ADARB2: variants seen among roughly 807,000 people sequenced by gnomAD.
ADARB2 encodes the protein adenosine deaminase RNA specific B2 (inactive).
A neutral mutation model predicts 62.2 loss-of-function variants in ADARB2; 25 were observed. The observed-to-expected ratio is 0.40, with a 90% CI of 0.29 to 0.56. The LOEUF (loss-of-function observed/expected upper bound fraction) is 0.56. Among genes scored for constraint, ADARB2 ranks in the 20% least tolerant of loss-of-function variants. The pLI is 0.43. For missense variants in ADARB2, 1,071 were observed against 1,077.4 expected (o/e 0.99, Z 0.08); for synonymous variants, 572 against 500.8 (o/e 1.14, Z -1.90).
At chr10:1,332,535 AT>A (rs1463756868) in intron 3 of ADARB2, among the ~76,000 whole-genome samples, 3 of 147,916 alleles carry the variant, frequency 2.0e-5, no homozygotes. Flanking sequence ...TTGATTAAAA[AT>A]ATTACAGTAA....
intron 1 of ADARB2, among the ~76,000 whole-genome samples, chr10:1,619,095 C>T (rs773978520): frequency 4.6e-5 from 7 of 151,932 alleles, no homozygotes; most frequent in African/African-American, 1.7e-4. Flanking sequence ...ATTGAGAAGG[C>T]GAGAGACATG....
chr10:1,511,498 G>T (rs947981267), intron 1 of ADARB2, among the ~76,000 whole-genome samples: 19 of 152,080 alleles, frequency 1.2e-4, no homozygotes, highest in Admixed American at 1.2e-3. Flanking sequence ...CCTGTGGAAT[G>T]GGGGGTGGGG....
At chr10:1,240,298 CT>C (rs1830901915) in intron 5 of ADARB2, 2 of 119,270 alleles carry the variant, frequency 1.7e-5, no homozygotes, top group Non-Finnish European at 3.5e-5. Context: ...GTTTACTCCC[CT>C]CTCCCTCCCG....
intron 4 of ADARB2, among the ~76,000 whole-genome samples, chr10:1,266,794 T>C (rs1289943306): frequency 6.6e-6 from 1 of 152,184 alleles, no homozygotes; most frequent in Non-Finnish European, 1.5e-5. Context: ...TCAGAGGAGT[T>C]GAGCAGAAGT....
intron 1 of ADARB2, among the ~76,000 whole-genome samples, chr10:1,413,736 C>A (rs549976535): frequency 1.3e-5 from 2 of 152,108 alleles, no homozygotes; most frequent in Non-Finnish European, 2.9e-5. Context: ...ACAGACTGAG[C>A]GCTGATGATG....
Position 1,599,767 on chromosome 10 carries a change from G to T in ADARB2, c.100+137284C>A, listed in dbSNP as rs185553289. ...GTTTTTTTTCTCTTTTTGAGACAGG[G>T]TGCTGCTCTGTTGCCGAGGCTGGAG... is the stretch of plus-strand genomic sequence containing the variant. On this transcript the variant is annotated intron_variant, in intron 1 of 9. Transcript: ENST00000381312. 4.6e-5 allele frequency among the ~76,000 whole-genome samples: 7 copies of T among 152,164 alleles called. No homozygotes were observed. The East Asian group carries it at 1.4e-3, about 29-fold the overall frequency.
At chr10:1,210,064 G>A (rs1049327065) in intron 7 of ADARB2, among the ~76,000 whole-genome samples, 1 of 152,164 alleles carries the variant, frequency 6.6e-6, no homozygotes, top group Admixed American at 6.5e-5. Flanking sequence ...ATCACTATGG[G>A]TATTATTGGT....
At chr10:1,485,491 C>A (rs920037043) in intron 1 of ADARB2, among the ~76,000 whole-genome samples, 10 of 152,098 alleles carry the variant, frequency 6.6e-5, no homozygotes, top group African/African-American at 2.4e-4. Flanking sequence ...CAGCTCCGCA[C>A]GCAGCCTGCA....
chr10:1,276,605 G>T (rs1183181675), intron 3 of ADARB2, among the ~76,000 whole-genome samples: 2 of 152,158 alleles, frequency 1.3e-5, no homozygotes, highest in Non-Finnish European at 2.9e-5. Context: ...GATTCATAAA[G>T]CAAGTCCTTA....
At position 1,183,936 on chromosome 10, in the gene ADARB2, A is replaced by G. The variant is rs796205535; in HGVS notation, c.2044-567T>C. Among the ~76,000 whole-genome samples, 8 of 152,294 alleles carry G rather than the reference A, an allele frequency of 5.3e-5. No individual in the cohort carries two copies. The East Asian group carries it at 1.4e-3, about 26-fold the overall frequency. On this transcript the variant is annotated intron_variant, in intron 9 of 9. Coordinates refer to ENST00000381312, the MANE Select transcript of ADARB2 (RefSeq NM_018702.4). ...CCAGGGAGGCACTCACCGGGGGGTC[A>G]CCTCGAGCATGTGCAAGAGGAGAGG...
intron 1 of ADARB2, among the ~76,000 whole-genome samples, chr10:1,656,638 T>C (rs893907836): frequency 2.0e-5 from 3 of 152,084 alleles, no homozygotes; most frequent in Admixed American, 2.0e-4. Flanking sequence ...CTCTTCATAT[T>C]GGGGTGTTGG....
chr10:1,671,534 G>C (rs1455197494), intron 1 of ADARB2, among the ~76,000 whole-genome samples: 2 of 152,162 alleles, frequency 1.3e-5, no homozygotes, highest in Non-Finnish European at 2.9e-5. Flanking sequence ...CGTGGAAGGA[G>C]GTGTGAGATA....
intron 3 of ADARB2, among the ~76,000 whole-genome samples, chr10:1,324,841 A>G (rs1411233323): frequency 2.6e-5 from 4 of 152,170 alleles, no homozygotes; most frequent in Non-Finnish European, 4.4e-5. Flanking sequence ...GGATAAAATT[A>G]CATGGAGCTA....
intron 1 of ADARB2, among the ~76,000 whole-genome samples, chr10:1,686,575 G>A (rs1834599285): frequency 6.6e-6 from 1 of 152,174 alleles, no homozygotes; most frequent in South Asian, 2.1e-4. Flanking sequence ...CGTCACATGA[G>A]TAAGGAAACG....
intron 1 of ADARB2, among the ~76,000 whole-genome samples, chr10:1,452,518 A>G (rs925074814): frequency 6.6e-5 from 10 of 152,018 alleles, no homozygotes; most frequent in African/African-American, 2.4e-4. Flanking sequence ...GCTGGAAACC[A>G]TCATTTTCAG....
intron 1 of ADARB2, among the ~76,000 whole-genome samples, chr10:1,401,295 C>T (rs112899200): frequency 8.5e-5 from 13 of 152,162 alleles, no homozygotes; most frequent in African/African-American, 2.7e-4. Context: ...GGGAAGGAGG[C>T]GTGATGATGG....
intron 1 of ADARB2, among the ~76,000 whole-genome samples, chr10:1,391,010 G>C (rs1039687022): frequency 2.6e-5 from 4 of 152,144 alleles, no homozygotes; most frequent in Non-Finnish European, 5.9e-5. Flanking sequence ...CTCACCCCCT[G>C]CCCCCTTAGT....
At chr10:1,620,157 T>C (rs780073250) in intron 1 of ADARB2, among the ~76,000 whole-genome samples, 2 of 151,602 alleles carry the variant, frequency 1.3e-5, no homozygotes, top group Non-Finnish European at 1.5e-5. Flanking sequence ...CAAACTAAAA[T>C]CAAAGTAAGA....
At chr10:1,221,010 C>T (rs1237893635) in intron 6 of ADARB2, among the ~76,000 whole-genome samples, 1 of 152,196 alleles carries the variant, frequency 6.6e-6, no homozygotes, top group African/African-American at 2.4e-5. Flanking sequence ...GTTTGAGCAG[C>T]CCCAGGGTGG....
Sources: gnomAD v4.1 joint callset for allele counts (sites outside exome capture counted in the v4.1 genomes callset) on GRCh38, gnomAD v4.1.1 for gene constraint, MANE v1.5 for transcripts, NCBI Gene and HGNC (gene_info 2026-07-23, HGNC 2026-07-21) for gene names.